Variants in BDH2 observed in about 807,000 individuals in gnomAD.
The protein encoded by BDH2 is 3-hydroxybutyrate dehydrogenase 2, also known as dehydrogenase/reductase SDR family member 6.
Under a neutral mutation model 33.2 loss-of-function variants are expected in BDH2, and 24 were observed. That is an observed-to-expected ratio of 0.72 (90% CI 0.52 to 1.02). The LOEUF (loss-of-function observed/expected upper bound fraction) is 1.02. Ranked by LOEUF, BDH2 falls within the 50% of genes least tolerant of loss-of-function variation. BDH2 has a pLI of 0.00. For missense variants in BDH2, 249 were observed against 301.6 expected (o/e 0.83, Z 1.29); for synonymous variants, 81 against 101.6 (o/e 0.80, Z 1.22).
intron 9 of BDH2, 143 bp from the exon 10 acceptor site, chr4:103,079,898 A>C (rs1578496751): frequency 1.4e-6 from 1 of 734,046 alleles, no homozygotes. Flanking sequence ...ATTCAGGGAA[A>C]TCCAAATTAA....
At chr4:103,079,864 C>A (rs1046368793) in intron 9 of BDH2, 109 bp from the exon 10 acceptor site, 4 of 979,504 alleles carry the variant, frequency 4.1e-6, no homozygotes, top group Non-Finnish European at 6.3e-6. Flanking sequence ...CTTGTCCTAA[C>A]AGGAAACCTC....
At chr4:103,086,646 A>T in intron 5 of BDH2, 106 bp from the exon 6 acceptor site, 1 of 1,367,860 alleles carries the variant, frequency 7.3e-7, no homozygotes, top group Non-Finnish European at 9.8e-7. Flanking sequence ...AATGAATTTA[A>T]TTACTGTATT....
rs188455146 is a variant in BDH2, at chr4:103,086,995, C to G, written c.358-455G>C. On this transcript the variant is annotated intron_variant, in intron 5 of 9. Transcript: ENST00000296424. ...TCTGGTTAGAGTGGCTCACATAATC[C>G]ACATCCAGCCACAGCAGAGACCTCC... is the stretch of plus-strand genomic sequence containing the variant. Among the ~76,000 whole-genome samples the G allele has an allele frequency of 4.7e-4, 72 of 152,186 alleles. 1 individual carries two copies. Among genetic ancestry groups the G allele is most frequent in the Admixed American group, 2.7e-3 (42 of 15,290 alleles).
chr4:103,098,434 A>G (rs1748508969), intron 1 of BDH2, among the ~76,000 whole-genome samples: 1 of 152,180 alleles, frequency 6.6e-6, no homozygotes, highest in African/African-American at 2.4e-5. Context: ...CTGTGGCACC[A>G]GGAGCCTGTG....
At chr4:103,085,640 G>A (rs913095679) in intron 6 of BDH2, 178 bp from the exon 7 acceptor site, 22 of 1,496,524 alleles carry the variant, frequency 1.5e-5, no homozygotes, top group Admixed American at 2.1e-5. Flanking sequence ...CTGGATCTAG[G>A]GAAATAATAT....
rs1209212018 is a variant in BDH2, at chr4:103,079,219, C to T, written c.*483G>A. On this transcript the variant is annotated 3_prime_UTR_variant, in exon 10 of 10. Coordinates refer to ENST00000296424, the MANE Select transcript of BDH2 (RefSeq NM_020139.4). ...GGATTAGTGTCCTTATAAAAAGACA[C>T]ATGAGCGCTCGCTTTTTTTCTCTGC... 6.6e-6 allele frequency among the ~76,000 whole-genome samples: 1 copy of T among 152,134 alleles called. No individual in the cohort carries two copies. Among genetic ancestry groups the T allele is most frequent in the Non-Finnish European group, 1.5e-5 (1 of 68,018 alleles).
chr4:103,092,813 C>T, intron 3 of BDH2, 117 bp from the exon 4 acceptor site: 1 of 755,912 alleles, frequency 1.3e-6, no homozygotes. Context: ...TCATAGATTG[C>T]TGACCTTCTT....
rs896058846 is a variant in BDH2, at chr4:103,083,253, T to C, written c.533-324A>G. ...TATGGATTTTAAATACATTTATGCA[T>C]ATGATCTCAGCTAATCCTCACAATA... On this transcript the variant is annotated intron_variant, in intron 7 of 9. Transcript: ENST00000296424. Among the ~76,000 whole-genome samples the C allele has an allele frequency of 3.9e-4, 59 of 152,242 alleles. 1 individual carries two copies. The highest frequency in any genetic ancestry group is 7.3e-5 in the Non-Finnish European group (5 of 68,048).
At chr4:103,089,733 C>T (rs760881471) in intron 5 of BDH2, among the ~76,000 whole-genome samples, 4 of 152,178 alleles carry the variant, frequency 2.6e-5, no homozygotes, top group Non-Finnish European at 4.4e-5. Context: ...ACAGTCTCTG[C>T]TCTACCCCTG....
At chr4:103,096,822 T>G (rs1186793549) in intron 1 of BDH2, among the ~76,000 whole-genome samples, 2 of 152,144 alleles carry the variant, frequency 1.3e-5, no homozygotes, top group Non-Finnish European at 2.9e-5. Flanking sequence ...ATTACAGGCC[T>G]GAGCCACTGT....
chr4:103,096,111 G>T, intron 2 of BDH2, 72 bp downstream of exon 2: 1 of 1,071,408 alleles, frequency 9.3e-7, no homozygotes, highest in Non-Finnish European at 1.4e-6. Flanking sequence ...AAACAACCAT[G>T]GCATCAGTCC....
chr4:103,090,631 G>C (rs551562631), intron 5 of BDH2, among the ~76,000 whole-genome samples: 9 of 152,206 alleles, frequency 5.9e-5, no homozygotes, highest in Non-Finnish European at 8.8e-5. Context: ...CTGAACAATG[G>C]ATGAGATAAT....
chr4:103,085,397 C>G lies in BDH2; in HGVS notation c.484G>C (p.Ala162Pro). 6.2e-7 allele frequency: 1 copy of G among 1,612,436 alleles called. No individual in the cohort carries two copies. Among genetic ancestry groups the G allele is most frequent in the Non-Finnish European group, 8.5e-7 (1 of 1,179,758 alleles). Residue 162 changes from alanine (A) to proline (P), a missense_variant, in exon 7 of 10, where the codon GCT (alanine) becomes CCT (proline). Transcript: ENST00000296424. ...ATGCCCTGCTGGATGAAATCTGCAG[C>G]CACAGATTTTGTGAGGCCAATCACG... ...AAVIGLTKSV[A>P]ADFIQQGIRC...
chr4:103,085,273 GGCAATAACATAA>G, intron 7 of BDH2, 64 bp downstream of exon 7: 1 of 1,132,876 alleles, frequency 8.8e-7, no homozygotes, highest in South Asian at 1.4e-5. Context: ...AACAGCCATA[GGCAATAACATAA>G]GCAAATTGGG....
At chr4:103,085,611 C>A in intron 6 of BDH2, 149 bp from the exon 7 acceptor site, 1 of 1,464,510 alleles carries the variant, frequency 6.8e-7, no homozygotes, top group South Asian at 1.3e-5. Context: ...AGATTTTTTT[C>A]CTTCAATAGA....
intron 9 of BDH2, among the ~76,000 whole-genome samples, chr4:103,081,493 A>G (rs553728146): frequency 6.6e-6 from 1 of 152,240 alleles, no homozygotes; most frequent in East Asian, 1.9e-4. Flanking sequence ...ACGAGGTTTC[A>G]CCATGTTGGT....
At chr4:103,081,443 G>A (rs1468042365) in intron 9 of BDH2, among the ~76,000 whole-genome samples, 3 of 152,066 alleles carry the variant, frequency 2.0e-5, no homozygotes, top group East Asian at 1.9e-4. Context: ...GACTACAGGC[G>A]CCCGCCACCA....
chr4:103,099,561 ACT>A (rs1748554289), intron 1 of BDH2, among the ~76,000 whole-genome samples: 1 of 152,008 alleles, frequency 6.6e-6, no homozygotes, highest in South Asian at 2.1e-4. Flanking sequence ...CAGGAAGAAA[ACT>A]CTTCACTTAG....
chr4:103,097,133 A>G (rs1171974514), intron 1 of BDH2, among the ~76,000 whole-genome samples: 1 of 152,214 alleles, frequency 6.6e-6, no homozygotes, highest in Non-Finnish European at 1.5e-5. Flanking sequence ...ATCACATCCA[A>G]TACTCCCATT....
Sources: allele counts gnomAD v4.1 joint callset (sites outside exome capture counted in the v4.1 genomes callset), GRCh38; gene constraint gnomAD v4.1.1; transcripts MANE v1.5; gene names NCBI Gene and HGNC (gene_info 2026-07-23, HGNC 2026-07-21).